The following ANO7 variants were observed in gnomAD, a reference collection of about 807,000 sequenced individuals.
The protein encoded by ANO7 is anoctamin-7.
Under a neutral mutation model 115.8 loss-of-function variants are expected in ANO7, and 114 were observed. That is an observed-to-expected ratio of 0.98 (90% CI 0.85 to 1.15). The LOEUF (loss-of-function observed/expected upper bound fraction) is 1.15. ANO7 is among the 50% of genes most tolerant of loss of function. The probability of loss-of-function intolerance (pLI) is 0.00; values close to 1 mark genes in which losing one functional copy is unlikely to be tolerated. For synonymous variants in ANO7, 550 were observed against 498.2 expected (o/e 1.10, Z -1.38); for missense variants, 1,302 against 1,201.2 (o/e 1.08, Z -1.24).
chr2:241,223,833 TG>T, intron 23 of ANO7, 52 bp downstream of exon 23: 1 of 1,613,958 alleles, frequency 6.2e-7, no homozygotes, highest in Non-Finnish European at 8.5e-7. Flanking sequence ...TCCCTATCCT[TG>T]TCAGTGGCTG....
In ANO7 at chr2:241,188,813, G is replaced by A. The variant is rs752206108; in HGVS notation, c.-8+47G>A. The stretch of plus-strand genomic sequence containing the variant: ...GTGGGCCACAGGGAGAAGGTGGAGC[G>A]TTGGACTCTAGGGAGGCAGGGCGGC... On this transcript the variant is annotated intron_variant, in intron 1 of 24. Coordinates refer to ENST00000674324, the MANE Select transcript of ANO7 (RefSeq NM_001370694.2). The surrounding 1 kb of genome is among the most constrained non-coding windows in gnomAD (Gnocchi z 4.3). 426 of 1,591,110 alleles carry A rather than the reference G, an allele frequency of 2.7e-4. No homozygotes were observed. The highest frequency in any genetic ancestry group is 9.3e-4 in the South Asian group (83 of 89,336).
At chr2:241,226,676 G>A (rs955299631), downstream of ANO7, among the ~76,000 whole-genome samples, 10 of 152,206 alleles carry the variant, frequency 6.6e-5, no homozygotes, top group African/African-American at 2.4e-4. Flanking sequence ...CGCCCACCTC[G>A]GCTTCCCAAA....
In ANO7 at chr2:241,224,400, A is replaced by G; in HGVS notation, c.*247A>G. The stretch of plus-strand genomic sequence containing the variant: ...CTCTTTGTTTCCTGCTCCCAGACAT[A>G]AGCCCAAGGGGCCCCTGCACCCAAG... On this transcript the variant is annotated 3_prime_UTR_variant, in exon 25 of 25. Coordinates refer to ENST00000674324, the MANE Select transcript of ANO7 (RefSeq NM_001370694.2). 2 of 535,946 alleles carry G rather than the reference A, an allele frequency of 3.7e-6. No individual in the cohort carries two copies. Among genetic ancestry groups the G allele is most frequent in the South Asian group, 2.2e-5 (1 of 46,098 alleles). The allele number at this position is 535,946 out of a possible 1,614,324, so 33.2% of individuals were successfully genotyped here. A position where few individuals can be genotyped will look rare whatever the true frequency, so the allele number is the denominator to read the frequency against.
At position 241,202,223 on chromosome 2, in the gene ANO7, T is replaced by G; in HGVS notation, c.642T>G (p.Tyr214Ter). 1.9e-6 allele frequency: 3 copies of G among 1,613,806 alleles called. No homozygotes were observed. Among genetic ancestry groups the G allele is most frequent in the Non-Finnish European group, 2.5e-6 (3 of 1,179,952 alleles). ...TTGAGATCCTGGCCAAGACCCCGTA[T>G]GGCCACGAGAAGAAAAACCTGCTTG... ...ILFEILAKTPYGHEKKNLLGI... is the reference protein window; with the variant it reads ...ILFEILAKTP Residue 214 changes from tyrosine (Y) to a stop codon, truncating the protein, a stop_gained, in exon 8 of 25, where the codon TAT (tyrosine) becomes TAG (stop). Coordinates refer to ENST00000674324, the MANE Select transcript of ANO7 (RefSeq NM_001370694.2). LOFTEE classifies it high-confidence loss of function.
chr2:241,230,320 G>T, downstream of ANO7: 1 of 1,122,408 alleles, frequency 8.9e-7, no homozygotes, highest in Non-Finnish European at 1.3e-6. The surrounding 1 kb of genome is among the most constrained non-coding windows in gnomAD (Gnocchi z 5.0). Context: ...GAGGAAAAGG[G>T]TTAAAATTAT....
In ANO7 at chr2:241,207,658, T is replaced by C. The variant is rs142309491; in HGVS notation, c.1065T>C (p.Cys355=). Residue 355 remains cysteine (C), a synonymous_variant, in exon 11 of 25, where the codon TGT becomes TGC. Coordinates refer to ENST00000674324, the MANE Select transcript of ANO7 (RefSeq NM_001370694.2). The stretch of plus-strand genomic sequence containing the variant: ...CTTTCTGGCTGCTCTCCAGCGCCTG[T>C]GCCCTGGCCCAGGTACGAGAAGAGG... The part of the protein sequence containing the change: ...DCPFWLLSSA[C]ALAQAGRLFD... The C allele has an allele frequency of 1.2e-6, 2 of 1,613,604 alleles. No homozygotes were observed. The highest frequency in any genetic ancestry group is 2.7e-5 in the African/African-American group (2 of 74,920).
intron 4 of ANO7, 84 bp downstream of exon 4, chr2:241,195,929 A>G (rs2068317098): frequency 1.2e-6 from 2 of 1,612,276 alleles, no homozygotes; most frequent in East Asian, 2.2e-5. Flanking sequence ...GCCTGAGGGC[A>G]TGGTGTCCAG....
rs1412854758 is a variant in ANO7 at position 241,223,960 on chromosome 2, G to A, written c.2583+5G>A. 13 of 1,614,028 alleles carry A rather than the reference G, an allele frequency of 8.1e-6. No homozygotes were observed. The highest frequency in any genetic ancestry group is 1.1e-5 in the Non-Finnish European group (13 of 1,179,958). ...GAGCAGCCCGAGGGCTCAGAGGCAA[G>A]TCTGGGAGCAGCCAGGCCCCTGCCC... On this transcript the variant is annotated splice_donor_5th_base_variant and intron_variant, in intron 24 of 24. Transcript: ENST00000674324.
the ANO7 span, chr2:241,240,074 TGTG>T: frequency 6.2e-7 from 1 of 1,614,212 alleles, no homozygotes; most frequent in East Asian, 2.2e-5. This position sits in a 1 kb window ranked among gnomAD's most constrained non-coding sequence, Gnocchi z 5.5. Context: ...ATGAGGAATT[TGTG>T]GTATTCTGGC....
At chr2:241,218,508 AGGGG>A in intron 21 of ANO7, 127 bp downstream of exon 21, 2 of 149,650 alleles carry the variant, frequency 1.3e-5, no homozygotes, top group Non-Finnish European at 1.8e-5. Context: ...AGGCCGGGGG[AGGGG>A]GGGAGCTGGG....
rs1012483441 is a variant in ANO7 at position 241,225,827 on chromosome 2, A to G, written c.*1674A>G. Among the ~76,000 whole-genome samples the G allele has an allele frequency of 1.3e-5, 2 of 152,184 alleles. No homozygotes were observed. Among genetic ancestry groups the G allele is most frequent in the Admixed American group, 1.3e-4 (2 of 15,276 alleles). ...GGCCGGAGCATGGCGGACAGCACACACGGCCCGGGGCGGGAACCTTGGAAA... is the reference window on the plus strand; with the variant it reads ...GGCCGGAGCATGGCGGACAGCACACGCGGCCCGGGGCGGGAACCTTGGAAA... On this transcript the variant is annotated 3_prime_UTR_variant, in exon 25 of 25. Coordinates refer to ENST00000674324, the MANE Select transcript of ANO7 (RefSeq NM_001370694.2).
At chr2:241,209,664 G>T in intron 13 of ANO7, 29 bp downstream of exon 13, 1 of 1,510,236 alleles carries the variant, frequency 6.6e-7, no homozygotes, top group South Asian at 1.3e-5. Context: ...CTCCGCTCAC[G>T]CCTCCATCCT....
chr2:241,218,729 A>G (rs534057748), intron 21 of ANO7, among the ~76,000 whole-genome samples: 1 of 152,334 alleles, frequency 6.6e-6, no homozygotes, highest in African/African-American at 2.4e-5. Context: ...TCGTGTCTTC[A>G]GAGCGGAGCT....
chr2:241,202,579 G>T (rs2068498006), intron 8 of ANO7, among the ~76,000 whole-genome samples: 1 of 152,218 alleles, frequency 6.6e-6, no homozygotes, highest in Admixed American at 6.5e-5. Context: ...CTATGGCTCT[G>T]TCTCTCTGGG....
chr2:241,229,835 T>A, downstream of ANO7: 1 of 1,395,754 alleles, frequency 7.2e-7, no homozygotes, highest in Non-Finnish European at 9.6e-7. Context: ...CATCTGACCT[T>A]CTCACTGCTG....
At chr2:241,214,988 A>T (rs1306185646) in intron 18 of ANO7, 86 bp downstream of exon 18, 15 of 1,246,532 alleles carry the variant, frequency 1.2e-5, no homozygotes, top group Non-Finnish European at 1.7e-5. Flanking sequence ...GCCCGGCCCT[A>T]GCTGGGAGAA....
rs544771849 is a variant in ANO7 at position 241,218,549 on chromosome 2, G to A, written c.2321+168G>A. 2.3e-3 allele frequency among the ~76,000 whole-genome samples: 349 copies of A among 152,200 alleles called. 1 individual carries two copies. The highest frequency in any genetic ancestry group is 8.0e-3 in the African/African-American group (332 of 41,538). On this transcript the variant is annotated intron_variant, in intron 21 of 24. Coordinates refer to ENST00000674324, the MANE Select transcript of ANO7 (RefSeq NM_001370694.2). ...GCGCCGTGGGCAGGGGCTGGGGGGA[G>A]GTTCCCCGCGGTAAGGGACGGAGCT...
At chr2:241,204,394 G>A (rs900811852) in intron 9 of ANO7, among the ~76,000 whole-genome samples, 7 of 151,396 alleles carry the variant, frequency 4.6e-5, no homozygotes, top group African/African-American at 1.5e-4. Context: ...CTGAGGGATT[G>A]CGGCTGTGGT....
At position 241,218,304 on chromosome 2, in the gene ANO7, C is replaced by G. The variant is rs757168483; in HGVS notation, c.2244C>G (p.His748Gln). 3 of 1,533,438 alleles carry G rather than the reference C, an allele frequency of 2.0e-6. No homozygotes were observed. The highest frequency in any genetic ancestry group is 1.4e-5 in the African/African-American group (1 of 70,020). The allele number at this position is 1,533,438 out of a possible 1,614,324, so 95.0% of individuals were successfully genotyped here. The change falls in exon 21 of 25, where the codon CAC (histidine) becomes CAG (glutamine). Residue 748 changes from histidine to glutamine, a missense_variant. Transcript: ENST00000674324. The part of the protein sequence containing the change: ...PRAYYRWTRA[H>Q]DLRGFLNFTL... ...CCTACTACCGGTGGACCCGCGCCCA[C>G]GACCTGCGCGGCTTCCTCAACTTCA...
Sources: allele counts gnomAD v4.1 joint callset (sites outside exome capture counted in the v4.1 genomes callset), GRCh38; gene constraint gnomAD v4.1.1; non-coding constraint Gnocchi (gnomAD v3.1); transcripts MANE v1.5; gene names NCBI Gene and HGNC (gene_info 2026-07-23, HGNC 2026-07-21).